Variants in C3orf33 observed in about 807,000 individuals in gnomAD.
C3orf33 encodes AP-1 activity suppressor.
In C3orf33, 23 loss-of-function variants were observed where a neutral mutation model predicts 28.7. The ratio of observed to expected loss-of-function variants is 0.80; its 90% CI spans 0.58 to 1.13. C3orf33 has a LOEUF of 1.13. C3orf33 is among the 50% of genes most tolerant of loss of function. C3orf33 has a pLI of 0.00. For synonymous variants in C3orf33, 119 were observed against 120.5 expected (o/e 0.99, Z 0.08); for missense variants, 327 against 353.4 (o/e 0.93, Z 0.60).
intron 3 of C3orf33, among the ~76,000 whole-genome samples, chr3:155,769,297 A>G (rs1355075317): frequency 7.0e-6 from 1 of 143,604 alleles, no homozygotes; most frequent in Non-Finnish European, 1.5e-5. Context: ...GGGCAACAAG[A>G]GCAAAACTCC....
chr3:155,791,338 C>T (rs1252003631), intron 2 of C3orf33, among the ~76,000 whole-genome samples: 1 of 152,164 alleles, frequency 6.6e-6, no homozygotes, highest in Non-Finnish European at 1.5e-5. Flanking sequence ...GCAATACCCG[C>T]TGTGGGCCTT....
intron 2 of C3orf33, among the ~76,000 whole-genome samples, chr3:155,795,591 A>ACAATGTGCTCCTGAATGACCACTG (rs1751451426): frequency 6.6e-6 from 1 of 152,232 alleles, no homozygotes; most frequent in Non-Finnish European, 1.5e-5. Flanking sequence ...TGGAAATTAA[A>ACAATGTGCTCCTGAATGACCACTG]CAATGTGCTC....
At chr3:155,782,032 C>T (rs537446341) in intron 2 of C3orf33, among the ~76,000 whole-genome samples, 5 of 151,484 alleles carry the variant, frequency 3.3e-5, no homozygotes, top group South Asian at 2.1e-4. Context: ...GCCAACATGG[C>T]GAAACCCCAT....
chr3:155,800,586 GT>G (rs1751613979), intron 2 of C3orf33, among the ~76,000 whole-genome samples: 1 of 107,050 alleles, frequency 9.3e-6, no homozygotes. Flanking sequence ...CTCTAGCCTG[GT>G]CAACAGAGTG....
At position 155,763,437 on chromosome 3, in the gene C3orf33, AT is replaced by A; in HGVS notation, c.*79del. The A allele has an allele frequency of 9.0e-7, 1 of 1,116,008 alleles. No homozygotes were observed. The highest frequency in any genetic ancestry group is 1.2e-6 in the Non-Finnish European group (1 of 845,668). 69.1% of individuals were successfully genotyped at this position (1,116,008 alleles called of 1,614,324 possible). On this transcript the variant is annotated 3_prime_UTR_variant, in exon 5 of 5. Transcript: ENST00000340171. ...ACTTTGATCATTTGGCAAAACTTCC[AT>A]TTTGATTCAATGAAAAACGTCCATA...
At position 155,783,929 on chromosome 3, in the gene C3orf33, GT is replaced by G. The variant is rs550660072; in HGVS notation, c.175-8082del. On this transcript the variant is annotated intron_variant, in intron 2 of 4. Transcript: ENST00000340171. ...TTTGTTTTGTTTTGTTTTGTTTGGGGTTTTTTTTTTGTTTTTTTTGAGACAG... is the reference window on the plus strand; with the variant it reads ...TTTGTTTTGTTTTGTTTTGTTTGGGGTTTTTTTTTGTTTTTTTTGAGACAG... Among the ~76,000 whole-genome samples the G allele has an allele frequency of 2.0e-4, 29 of 145,740 alleles. No homozygotes were observed. In the South Asian group the frequency reaches 2.8e-3, roughly 14 times the overall value.
At chr3:155,799,533 A>T (rs893405923) in intron 2 of C3orf33, among the ~76,000 whole-genome samples, 2 of 152,096 alleles carry the variant, frequency 1.3e-5, no homozygotes, top group African/African-American at 4.8e-5. Context: ...TCCAAAAAGT[A>T]CAAAAATTAG....
intron 1 of C3orf33, among the ~76,000 whole-genome samples, chr3:155,803,581 A>AG (rs993310336): frequency 3.5e-5 from 5 of 144,248 alleles, no homozygotes; most frequent in Non-Finnish European, 7.6e-5. Context: ...AAAAAAAAAA[A>AG]AAAAGAAATG....
In C3orf33 at chr3:155,790,163, CAAAAAAAAAAAAA is replaced by C. The variant is rs35285462; in HGVS notation, c.174+12356_174+12368del. On this transcript the variant is annotated intron_variant, in intron 2 of 4. Coordinates refer to ENST00000340171, the MANE Select transcript of C3orf33 (RefSeq NM_001308229.2). ...TGGGTGACAGAGTGAAACTCTGTCTCAAAAAAAAAAAAAAAAAAAAAAAAAATTGGTGCTGAGA... is the reference window on the plus strand; with the variant it reads ...TGGGTGACAGAGTGAAACTCTGTCTCAAAAAAAAAAAAATTGGTGCTGAGA... Among the ~76,000 whole-genome samples, 9 of 38,686 alleles carry C rather than the reference CAAAAAAAAAAAAA, an allele frequency of 2.3e-4. No individual in the cohort carries two copies. The Admixed American group carries it at 2.3e-3, about 10-fold the overall frequency. 25.4% of individuals were successfully genotyped at this position (38,686 alleles called of 152,430 possible). A position where few individuals can be genotyped will look rare whatever the true frequency, so the allele number is the denominator to read the frequency against.
intron 1 of C3orf33, among the ~76,000 whole-genome samples, chr3:155,805,418 G>A (rs2109286996): frequency 6.6e-6 from 1 of 152,182 alleles, no homozygotes; most frequent in East Asian, 1.9e-4. Flanking sequence ...AGACATAATG[G>A]TGCCACTGCA....
intron 4 of C3orf33, among the ~76,000 whole-genome samples, chr3:155,766,077 G>C (rs144492063): frequency 1.3e-5 from 2 of 152,286 alleles, no homozygotes; most frequent in East Asian, 3.9e-4. Flanking sequence ...CGCCCAGGTT[G>C]GAGTACATTG....
intron 2 of C3orf33, among the ~76,000 whole-genome samples, chr3:155,799,518 G>A (rs1156538268): frequency 6.6e-6 from 1 of 151,952 alleles, no homozygotes; most frequent in East Asian, 1.9e-4. Flanking sequence ...GCAAAACCCT[G>A]TCTCTCCAAA....
intron 2 of C3orf33, among the ~76,000 whole-genome samples, chr3:155,781,565 C>T (rs79913038): frequency 1.3e-5 from 2 of 150,746 alleles, no homozygotes; most frequent in East Asian, 2.0e-4. Context: ...ATCAGGAGAT[C>T]GAGACTATCC....
intron 2 of C3orf33, among the ~76,000 whole-genome samples, chr3:155,793,667 G>A (rs904980378): frequency 6.6e-6 from 1 of 151,112 alleles, no homozygotes; most frequent in Non-Finnish European, 1.5e-5. Flanking sequence ...AAAATTAGCC[G>A]GGCATGGTGG....
chr3:155,768,399 A>G (rs1040718156), intron 3 of C3orf33, among the ~76,000 whole-genome samples: 6 of 152,326 alleles, frequency 3.9e-5, no homozygotes, highest in African/African-American at 1.4e-4. Context: ...ATTGATCTAC[A>G]TCAACACTGT....
At chr3:155,780,055 T>C (rs1014000046) in intron 2 of C3orf33, among the ~76,000 whole-genome samples, 4 of 152,152 alleles carry the variant, frequency 2.6e-5, no homozygotes, top group Non-Finnish European at 5.9e-5. Context: ...AACCAGAATA[T>C]AAGTGTAGAG....
chr3:155,802,709 A>G (rs1751684789), intron 1 of C3orf33, 118 bp from the exon 2 acceptor site: 2 of 691,976 alleles, frequency 2.9e-6, no homozygotes, highest in Non-Finnish European at 4.8e-6. Context: ...TGTATAAACA[A>G]TGTATGTCTT....
intron 2 of C3orf33, among the ~76,000 whole-genome samples, chr3:155,783,315 C>T (rs1352992750): frequency 6.6e-6 from 1 of 151,748 alleles, no homozygotes; most frequent in Non-Finnish European, 1.5e-5. Context: ...CCACCACACT[C>T]AGCTACTTTT....
chr3:155,802,320 G>C (rs1011055193), intron 2 of C3orf33, among the ~76,000 whole-genome samples: 1 of 152,098 alleles, frequency 6.6e-6, no homozygotes, highest in African/African-American at 2.4e-5. Context: ...AAGTGATTAT[G>C]GAAATATAAA....
Sources: allele counts gnomAD v4.1 joint callset (sites outside exome capture counted in the v4.1 genomes callset), GRCh38; gene constraint gnomAD v4.1.1; transcripts MANE v1.5; gene names NCBI Gene and HGNC (gene_info 2026-07-23, HGNC 2026-07-21).